The following BBS9 variants were observed in gnomAD, a reference collection of about 807,000 sequenced individuals.
The protein encoded by BBS9 is protein PTHB1.
In BBS9, 89 loss-of-function variants were observed where a neutral mutation model predicts 117.7. That is an observed-to-expected ratio of 0.76 (90% CI 0.64 to 0.90). BBS9 has a LOEUF of 0.90. Among genes scored for constraint, BBS9 ranks in the 40% least tolerant of loss-of-function variants. The pLI, the probability that BBS9 is intolerant of heterozygous loss-of-function variation, is 0.00. For missense variants in BBS9, 982 were observed against 1,042.2 expected (o/e 0.94, Z 0.80); for synonymous variants, 379 against 370.9 (o/e 1.02, Z -0.25).
intron 5 of BBS9, among the ~76,000 whole-genome samples, chr7:33,215,711 G>C (rs1788926103): frequency 6.6e-6 from 1 of 152,092 alleles, no homozygotes; most frequent in Non-Finnish European, 1.5e-5. Flanking sequence ...CTATTTGAAT[G>C]GAACTGGGAG....
chr7:33,303,748 A>G (rs907971690), intron 9 of BBS9, among the ~76,000 whole-genome samples: 6 of 151,838 alleles, frequency 4.0e-5, no homozygotes, highest in Non-Finnish European at 7.4e-5. Flanking sequence ...ACCTCGAGTG[A>G]TCTGCCTGCC....
chr7:33,403,366 C>T (rs1829291182), intron 19 of BBS9, among the ~76,000 whole-genome samples: 1 of 149,334 alleles, frequency 6.7e-6, no homozygotes, highest in African/African-American at 2.5e-5. Context: ...GCACAATGTG[C>T]AGGTTAGTTA....
intron 5 of BBS9, among the ~76,000 whole-genome samples, chr7:33,184,029 CTT>C (rs1273732157): frequency 6.6e-6 from 1 of 151,966 alleles, no homozygotes; most frequent in Non-Finnish European, 1.5e-5. Context: ...CTCACAAATC[CTT>C]TTTCTCATTA....
intron 19 of BBS9, among the ~76,000 whole-genome samples, chr7:33,495,561 G>A (rs1377618010): frequency 6.6e-6 from 1 of 152,106 alleles, no homozygotes; most frequent in Non-Finnish European, 1.5e-5. Context: ...AGCTTTAATA[G>A]CGATCTGTTC....
In BBS9 at chr7:33,601,420, A is replaced by C. The variant is rs556890563; in HGVS notation, c.2522-3445A>C. On this transcript the variant is annotated intron_variant, in intron 21 of 22. Transcript: ENST00000242067. ...CTGGAGTCCATAGAACCCAGGCTTC[A>C]TTTCCATGGATGACCTCAGAGAGTT... Among the ~76,000 whole-genome samples, 9 of 152,214 alleles carry C rather than the reference A, an allele frequency of 5.9e-5. No homozygotes were observed. In the East Asian group the frequency reaches 1.2e-3, roughly 20 times the overall value.
chr7:33,409,393 G>A (rs567890091), intron 19 of BBS9, among the ~76,000 whole-genome samples: 24 of 152,276 alleles, frequency 1.6e-4, no homozygotes, highest in Admixed American at 1.4e-3. Flanking sequence ...AGCTATCCCA[G>A]CACCATTCAT....
chr7:33,505,143 T>C (rs574046640), intron 19 of BBS9, among the ~76,000 whole-genome samples: 4 of 152,334 alleles, frequency 2.6e-5, no homozygotes, highest in South Asian at 4.1e-4. Context: ...ATAACTTTAT[T>C]AGAGGTTACT....
chr7:33,579,273 AG>A (rs748865093), intron 21 of BBS9, among the ~76,000 whole-genome samples: 1 of 152,184 alleles, frequency 6.6e-6, no homozygotes, highest in Non-Finnish European at 1.5e-5. Flanking sequence ...ATGAGCTGAA[AG>A]GGAGCCAGTA....
intron 5 of BBS9, among the ~76,000 whole-genome samples, chr7:33,192,234 G>A (rs1168326643): frequency 1.3e-5 from 2 of 152,134 alleles, no homozygotes; most frequent in African/African-American, 4.8e-5. Context: ...CATATATCTT[G>A]AAGTCAGTTG....
chr7:33,513,290 C>T (rs767577977), intron 20 of BBS9, among the ~76,000 whole-genome samples: 1 of 152,172 alleles, frequency 6.6e-6, no homozygotes, highest in East Asian at 1.9e-4. Flanking sequence ...TTCATTTCCT[C>T]CCTCTTTATT....
intron 6 of BBS9, among the ~76,000 whole-genome samples, chr7:33,261,314 A>G (rs888981557): frequency 2.0e-5 from 3 of 152,180 alleles, no homozygotes; most frequent in African/African-American, 7.2e-5. Flanking sequence ...GTGCTCCTCG[A>G]TGGCAGGAAT....
intron 19 of BBS9, among the ~76,000 whole-genome samples, chr7:33,462,488 T>C (rs1839611071): frequency 6.6e-6 from 1 of 152,112 alleles, no homozygotes; most frequent in South Asian, 2.1e-4. Context: ...AATGGCTGCA[T>C]ATTTCTGAAA....
chr7:33,411,011 GTTTT>G (rs765425062), intron 19 of BBS9, among the ~76,000 whole-genome samples: 1 of 96,432 alleles, frequency 1.0e-5, no homozygotes, highest in African/African-American at 3.4e-5. Flanking sequence ...AAATGTTGGT[GTTTT>G]TTTTTTTTTT....
intron 19 of BBS9, among the ~76,000 whole-genome samples, chr7:33,408,512 A>G (rs548703979): frequency 1.6e-4 from 25 of 152,254 alleles, no homozygotes; most frequent in African/African-American, 5.8e-4. Flanking sequence ...AAATGCAGAA[A>G]TCACCTGTCT....
chr7:33,183,489 T>G (rs533616922), intron 5 of BBS9, among the ~76,000 whole-genome samples: 14 of 152,316 alleles, frequency 9.2e-5, no homozygotes, highest in Non-Finnish European at 1.6e-4. Flanking sequence ...ATAAACCTCT[T>G]ATTACCCTAC....
chr7:33,587,945 T>C (rs1379043524), intron 21 of BBS9, among the ~76,000 whole-genome samples: 2 of 152,118 alleles, frequency 1.3e-5, no homozygotes, highest in Non-Finnish European at 2.9e-5. Context: ...GGCCATAACT[T>C]GATGCCCCAG....
intron 5 of BBS9, among the ~76,000 whole-genome samples, chr7:33,222,676 G>A (rs1252334453): frequency 2.6e-5 from 4 of 151,942 alleles, no homozygotes; most frequent in Non-Finnish European, 1.5e-5. Context: ...CGCCAGGTGC[G>A]GTGGCTCTTG....
intron 19 of BBS9, among the ~76,000 whole-genome samples, chr7:33,421,972 C>T (rs1356387459): frequency 6.6e-6 from 1 of 151,998 alleles, no homozygotes; most frequent in Non-Finnish European, 1.5e-5. Context: ...AAACAATACC[C>T]TAATTGCACC....
intron 12 of BBS9, chr7:33,346,479 A>G (rs1042367570): frequency 5.5e-6 from 1 of 181,724 alleles, no homozygotes; most frequent in Non-Finnish European, 1.2e-5. Context: ...AGAAAATAGC[A>G]TGGAAAATTC....
Sources: gnomAD v4.1 joint callset for allele counts (sites outside exome capture counted in the v4.1 genomes callset) on GRCh38, gnomAD v4.1.1 for gene constraint, MANE v1.5 for transcripts, NCBI Gene and HGNC (gene_info 2026-07-23, HGNC 2026-07-21) for gene names.